The following NRXN3 variants were observed in gnomAD, a reference collection of about 807,000 sequenced individuals.
NRXN3 encodes the protein neurexin III.
In NRXN3, 32 loss-of-function variants were observed where a neutral mutation model predicts 137.6. The observed-to-expected ratio is 0.23, with a 90% CI of 0.18 to 0.31. The LOEUF is 0.31. Ranked by LOEUF, NRXN3 falls within the 10% of genes least tolerant of loss-of-function variation. The pLI, the probability that NRXN3 is intolerant of heterozygous loss-of-function variation, is 1.00. For synonymous variants in NRXN3, 798 were observed against 784.5 expected, an observed-to-expected ratio of 1.02 and a Z score of -0.29; for missense variants, 1,574 against 2,062.5, an observed-to-expected ratio of 0.76 and a Z score of 4.59.
At chr14:78,235,665 T>G (rs2066190352) in intron 1 of NRXN3, among the ~76,000 whole-genome samples, 1 of 152,152 alleles carries the variant, frequency 6.6e-6, no homozygotes, top group Admixed American at 6.5e-5. Flanking sequence ...CCATCTCCAT[T>G]CCGCTTTCAG....
intron 8 of NRXN3, among the ~76,000 whole-genome samples, chr14:78,754,407 T>C (rs1353872270): frequency 6.6e-6 from 1 of 152,174 alleles, no homozygotes; most frequent in Non-Finnish European, 1.5e-5. Flanking sequence ...TCCTTAATAT[T>C]TCCCCTGTTT....
chr14:78,457,047 C>G (rs116407311), intron 4 of NRXN3, among the ~76,000 whole-genome samples: 4 of 147,872 alleles, frequency 2.7e-5, no homozygotes, highest in South Asian at 2.2e-4. Flanking sequence ...CCCTCTCCCC[C>G]GCCACCTCCT....
intron 15 of NRXN3, among the ~76,000 whole-genome samples, chr14:79,076,059 A>G (rs1255877568): frequency 6.6e-6 from 1 of 152,168 alleles, no homozygotes; most frequent in African/African-American, 2.4e-5. Flanking sequence ...ACTTTGTGGT[A>G]AAAACCATCC....
At chr14:78,540,846 G>A (rs1001827195) in intron 4 of NRXN3, among the ~76,000 whole-genome samples, 4 of 152,182 alleles carry the variant, frequency 2.6e-5, no homozygotes, top group Non-Finnish European at 4.4e-5. Context: ...TTGGTTGTCT[G>A]TAAAGGATTT....
At chr14:78,747,238 G>C (rs1322764064) in intron 8 of NRXN3, among the ~76,000 whole-genome samples, 1 of 152,156 alleles carries the variant, frequency 6.6e-6, no homozygotes, top group African/African-American at 2.4e-5. Flanking sequence ...TGCGGATGTA[G>C]GTCAATTTCT....
chr14:79,851,713 C>T (rs2141731765), intron 20 of NRXN3, among the ~76,000 whole-genome samples: 1 of 152,272 alleles, frequency 6.6e-6, no homozygotes, highest in Non-Finnish European at 1.5e-5. Context: ...AGATATAATA[C>T]TGAATATAAC....
At chr14:79,587,301 T>C (rs1385100476) in intron 16 of NRXN3, among the ~76,000 whole-genome samples, 1 of 152,238 alleles carries the variant, frequency 6.6e-6, no homozygotes, top group Non-Finnish European at 1.5e-5. Flanking sequence ...ACTATAAATA[T>C]AGTTTCCTTT....
At chr14:78,308,032 G>T (rs911938447) in intron 4 of NRXN3, among the ~76,000 whole-genome samples, 2 of 151,912 alleles carry the variant, frequency 1.3e-5, no homozygotes, top group African/African-American at 4.8e-5. Context: ...AAGCTTTCCA[G>T]TCAGTTGTAA....
chr14:78,351,339 G>A (rs1212762999), intron 4 of NRXN3, among the ~76,000 whole-genome samples: 1 of 152,074 alleles, frequency 6.6e-6, no homozygotes, highest in Admixed American at 6.6e-5. Context: ...ACCTTTCTAG[G>A]ATATATACTA....
chr14:78,626,725 G>A (rs2152518295), intron 4 of NRXN3, among the ~76,000 whole-genome samples: 1 of 152,298 alleles, frequency 6.6e-6, no homozygotes, highest in African/African-American at 2.4e-5. Context: ...CCTGCCTGGA[G>A]GGTTTTTGAG....
chr14:79,232,110 T>G (rs1472316104), intron 15 of NRXN3, among the ~76,000 whole-genome samples: 1 of 152,180 alleles, frequency 6.6e-6, no homozygotes, highest in Non-Finnish European at 1.5e-5. Context: ...ATAAATAATT[T>G]GGCCCAGGTC....
At chr14:78,470,529 G>T (rs1224789662) in intron 4 of NRXN3, among the ~76,000 whole-genome samples, 1 of 151,968 alleles carries the variant, frequency 6.6e-6, no homozygotes, top group Non-Finnish European at 1.5e-5. Flanking sequence ...TTCTGCATGA[G>T]GAATCACCAT....
intron 19 of NRXN3, among the ~76,000 whole-genome samples, chr14:79,764,706 A>G (rs1355703877): frequency 6.6e-6 from 1 of 152,162 alleles, no homozygotes; most frequent in Non-Finnish European, 1.5e-5. Flanking sequence ...TGTTATGCAG[A>G]GAAATCTGAC....
At chr14:78,879,960 C>A (rs540795728) in intron 10 of NRXN3, among the ~76,000 whole-genome samples, 11 of 151,360 alleles carry the variant, frequency 7.3e-5, no homozygotes, top group African/African-American at 2.5e-4. Flanking sequence ...AAGAATTGGG[C>A]CGGGCGCGGT....
chr14:78,440,379 C>CTGA (rs1006313053), intron 4 of NRXN3, among the ~76,000 whole-genome samples: 1 of 151,666 alleles, frequency 6.6e-6, no homozygotes. Flanking sequence ...CAGGCATCAG[C>CTGA]TGATGATGAT....
intron 4 of NRXN3, among the ~76,000 whole-genome samples, chr14:78,419,986 C>CACACACACACACA (rs10676901): frequency 0.021 from 3,128 of 150,204 alleles, 82 homozygotes; most frequent in African/African-American, 0.059. Flanking sequence ...CACACACACA[C>CACACACACACACA]GTAAAGTCCT....
intron 4 of NRXN3, among the ~76,000 whole-genome samples, chr14:78,501,096 T>C (rs1001523996): frequency 3.3e-5 from 5 of 152,204 alleles, no homozygotes; most frequent in Non-Finnish European, 5.9e-5. Context: ...ACAAAGGCAG[T>C]TTATGTTAGT....
At chr14:78,396,456 T>C (rs557204547) in intron 4 of NRXN3, among the ~76,000 whole-genome samples, 2 of 152,228 alleles carry the variant, frequency 1.3e-5, no homozygotes, top group South Asian at 2.1e-4. Context: ...GATTTCTCTT[T>C]TAAAAAGTCA....
At position 79,861,036 on chromosome 14, in the gene NRXN3, C is replaced by A; in HGVS notation, c.4094-306C>A. ...TTGTTTTTCTTTTTCTTTTCCATCC[C>A]AGGAGGTGAATTAGTTATCCCTCTT... On this transcript the variant is annotated intron_variant, in intron 20 of 20. Transcript: ENST00000335750. The surrounding 1 kb of genome is among the most constrained non-coding windows in gnomAD (Gnocchi z 5.4). 2 of 1,393,116 alleles carry A rather than the reference C, an allele frequency of 1.4e-6. No homozygotes were observed. Among genetic ancestry groups the A allele is most frequent in the Non-Finnish European group, 1.9e-6 (2 of 1,074,004 alleles). The allele number at this position is 1,393,116 out of a possible 1,614,324, so 86.3% of individuals were successfully genotyped here.
Sources: gnomAD v4.1 joint callset for allele counts (sites outside exome capture counted in the v4.1 genomes callset) on GRCh38, gnomAD v4.1.1 for gene constraint, Gnocchi (gnomAD v3.1) non-coding constraint, MANE v1.5 for transcripts, NCBI Gene and HGNC (gene_info 2026-07-23, HGNC 2026-07-21) for gene names.